Variants in PLXNA1 observed in about 807,000 individuals in gnomAD.
PLXNA1 encodes plexin A1.
Under a neutral mutation model 191.7 loss-of-function variants are expected in PLXNA1, and 77 were observed. That is an observed-to-expected ratio of 0.40 (90% CI 0.33 to 0.49). The LOEUF (loss-of-function observed/expected upper bound fraction) is 0.49, where lower values mean the gene tolerates loss of function less well. Among genes scored for constraint, PLXNA1 ranks in the 20% least tolerant of loss-of-function variants. The pLI is 0.63. For missense variants in PLXNA1, 2,110 were observed against 2,660.2 expected, an observed-to-expected ratio of 0.79 and a Z score of 4.55; for synonymous variants, 1,137 against 1,156.4, an observed-to-expected ratio of 0.98 and a Z score of 0.34.
At position 126,988,711 on chromosome 3, in the gene PLXNA1, C is replaced by T. The variant is rs372314843; in HGVS notation, c.118C>T (p.Pro40Ser). The change falls in exon 2 of 32, where the codon CCC becomes TCC. Residue 40 changes from proline to serine, a missense_variant. Pro to Ser is a moderately conservative substitution (Grantham distance 74, BLOSUM62 -1). Around this residue, in one of 4 missense-constraint regions of PLXNA1, gnomAD observed 903 missense variants for 1,015.7 expected, o/e 0.89. Coordinates refer to ENST00000393409, the MANE Select transcript of PLXNA1 (RefSeq NM_032242.4). ...CAGGGCAGGCGGGGGTTCACAGCCC[C>T]CCTTCCGCACCTTCTCGGCCAGCGA... ...LPRAGGGSQP[P>S]FRTFSASDWG... The T allele has an allele frequency of 1.3e-5, 20 of 1,573,562 alleles. No homozygotes were observed. Among genetic ancestry groups the T allele is most frequent in the Non-Finnish European group, 1.7e-6 (2 of 1,157,014 alleles).
intron 5 of PLXNA1, 81 bp downstream of exon 5, chr3:127,004,792 G>A: frequency 6.3e-7 from 1 of 1,592,420 alleles, no homozygotes. Context: ...CTGGTGCAGG[G>A]CAAGCCACCC....
In PLXNA1 at chr3:127,022,802, T is replaced by C; in HGVS notation, c.4346T>C (p.Leu1449Ser). The C allele has an allele frequency of 6.2e-7, 1 of 1,613,974 alleles. No homozygotes were observed. The highest frequency in any genetic ancestry group is 8.5e-7 in the Non-Finnish European group (1 of 1,179,922). ...CTAACTAACTGGTTCACCTTCCTCTTGTATAAGTTCCTCAAGGTAAGCAGA... is the reference window on the plus strand; with the variant it reads ...CTAACTAACTGGTTCACCTTCCTCTCGTATAAGTTCCTCAAGGTAAGCAGA... ...KMLTNWFTFL[L>S]YKFLKECAGE... is the part of the protein sequence containing the mutation. The change falls in exon 23 of 32, where the codon TTG (leucine) becomes TCG (serine). Residue 1449 changes from leucine to serine, a missense_variant. Around this residue, in one of 4 missense-constraint regions of PLXNA1, gnomAD observed 559 missense variants for 911.5 expected, o/e 0.61. Transcript: ENST00000393409.
intron 10 of PLXNA1, 108 bp from the exon 11 acceptor site, chr3:127,013,912 T>G: frequency 3.2e-6 from 3 of 939,246 alleles, no homozygotes; most frequent in Non-Finnish European, 5.3e-6. Context: ...CGGTTGTGGC[T>G]GCAGAAACTT....
chr3:127,000,471 C>T (rs530551002), intron 3 of PLXNA1, among the ~76,000 whole-genome samples: 2 of 152,172 alleles, frequency 1.3e-5, no homozygotes, highest in African/African-American at 4.8e-5. Context: ...GCCACCCGCT[C>T]TGGCCCCAGG....
At chr3:127,021,450 CAA>C (rs900515107) in intron 21 of PLXNA1, among the ~76,000 whole-genome samples, 23 of 152,150 alleles carry the variant, frequency 1.5e-4, no homozygotes, top group African/African-American at 4.3e-4. Flanking sequence ...TTAGTATGAA[CAA>C]GAGAGAGAGA....
rs754347448 is a variant in PLXNA1, at chr3:127,032,367, G to T, written c.5232-20G>T. 5 of 1,611,876 alleles carry T rather than the reference G, an allele frequency of 3.1e-6. No homozygotes were observed. The highest frequency in any genetic ancestry group is 1.1e-5 in the South Asian group (1 of 90,896). On this transcript the variant is annotated intron_variant, in intron 29 of 31. Coordinates refer to ENST00000393409, the MANE Select transcript of PLXNA1 (RefSeq NM_032242.4). ...GGGAGCAGAGGCCTATCTGAGCAGC[G>T]CCTGGACTCTCGCCTGCAGCCTGCC...
In PLXNA1 at chr3:127,016,572, G is replaced by A. The variant is rs776772758; in HGVS notation, c.3070G>A (p.Ala1024Thr). ...ACCCCCCGGGCAGAGCCCTGGCAGC[G>A]CTCCCATCATCATCAACATCAACCG... ...LTPPGQSPGSAPIIININRAQ... is the reference protein window; with the variant it reads ...LTPPGQSPGSTPIIININRAQ... The change falls in exon 16 of 32, where the codon GCT becomes ACT. Residue 1024 changes from alanine (A) to threonine (T), a missense_variant. Physicochemically the swap from Ala to Thr is moderately conservative, Grantham distance 58 (BLOSUM62 0). Coordinates refer to ENST00000393409, the MANE Select transcript of PLXNA1 (RefSeq NM_032242.4). 1.6e-5 allele frequency: 26 copies of A among 1,613,936 alleles called. No individual in the cohort carries two copies. The highest frequency in any genetic ancestry group is 1.9e-5 in the Non-Finnish European group (22 of 1,179,954).
Position 127,017,868 on chromosome 3 carries a change from C to A in PLXNA1, c.3636C>A (p.Asn1212Lys). ...CGCAACTGCTGTGCGAGGCGCCCAA[C>A]CTCACTGGGCAGCACAAGGTCACGG... is the stretch of plus-strand genomic sequence containing the variant. ...SETQLLCEAPNLTGQHKVTVR... is the reference protein window; with the variant it reads ...SETQLLCEAPKLTGQHKVTVR... The change falls in exon 19 of 32, where the codon AAC (asparagine) becomes AAA (lysine). Residue 1212 changes from asparagine (N) to lysine (K), a missense_variant. Transcript: ENST00000393409. 1 of 1,612,746 alleles carries A rather than the reference C, an allele frequency of 6.2e-7. No homozygotes were observed. Among genetic ancestry groups the A allele is most frequent in the Non-Finnish European group, 8.5e-7 (1 of 1,180,006 alleles).
chr3:127,019,438 C>T (rs1013903443), intron 20 of PLXNA1, among the ~76,000 whole-genome samples: 1 of 152,146 alleles, frequency 6.6e-6, no homozygotes, highest in Non-Finnish European at 1.5e-5. Context: ...AGGCAGGTGG[C>T]CTGGACCTCC....
rs956760729 is a variant in PLXNA1, at chr3:127,006,545, G to A, written c.1997+367G>A. Among the ~76,000 whole-genome samples the A allele has an allele frequency of 6.6e-5, 10 of 152,328 alleles. No homozygotes were observed. The East Asian group carries it at 9.7e-4, about 15-fold the overall frequency. ...GGGCACATTGTGCAATGTTGCCACCGTGATATGGACAGTGGCCCATGGGCA... is the reference window on the plus strand; with the variant it reads ...GGGCACATTGTGCAATGTTGCCACCATGATATGGACAGTGGCCCATGGGCA... On this transcript the variant is annotated intron_variant, in intron 8 of 31. Transcript: ENST00000393409.
At chr3:127,020,852 G>A (rs1240393740) in intron 21 of PLXNA1, among the ~76,000 whole-genome samples, 4 of 152,250 alleles carry the variant, frequency 2.6e-5, no homozygotes, top group South Asian at 2.1e-4. Context: ...CTGCTATGGC[G>A]GTTTGGGAGG....
chr3:126,996,888 G>A (rs900201558), intron 3 of PLXNA1, among the ~76,000 whole-genome samples: 6 of 152,212 alleles, frequency 3.9e-5, no homozygotes, highest in African/African-American at 1.4e-4. Context: ...GCCCTGCATG[G>A]TCAGCCTGTG....
intron 3 of PLXNA1, among the ~76,000 whole-genome samples, chr3:126,993,656 G>T (rs1318556127): frequency 3.3e-5 from 5 of 152,350 alleles, no homozygotes; most frequent in Admixed American, 1.3e-4. Flanking sequence ...TGGGCCATGT[G>T]TGAGTGGCAC....
chr3:127,027,594 G>T (rs989367913), intron 23 of PLXNA1: 4 of 458,180 alleles, frequency 8.7e-6, no homozygotes, highest in African/African-American at 7.9e-5. Flanking sequence ...CGGGGATCCT[G>T]CTGAGACCAG....
intron 3 of PLXNA1, among the ~76,000 whole-genome samples, chr3:126,999,672 T>A (rs1409814532): frequency 6.6e-6 from 1 of 152,168 alleles, no homozygotes; most frequent in Admixed American, 6.5e-5. Context: ...CGGCAGCAGT[T>A]GGCCAGGGCT....
chr3:127,022,960 C>G, intron 23 of PLXNA1, 142 bp downstream of exon 23: 2 of 728,250 alleles, frequency 2.7e-6, no homozygotes, highest in Non-Finnish European at 4.7e-6. Context: ...GGCCAAGGCC[C>G]CTGGGCATGC....
chr3:127,028,056 C>T lies in PLXNA1; in HGVS notation c.4479C>T (p.Leu1493=). ...GCTACTCCCTGAGTGAGGACAAGCT[C>T]ATCCGGCAGCAGATTGACTACAAGA... ...EARYSLSEDK[L]IRQQIDYKTL... Residue 1493 remains leucine (L), a synonymous_variant, in exon 24 of 32, where the codon CTC becomes CTT. Coordinates refer to ENST00000393409, the MANE Select transcript of PLXNA1 (RefSeq NM_032242.4). The T allele has an allele frequency of 1.9e-6, 3 of 1,614,064 alleles. No individual in the cohort carries two copies. The highest frequency in any genetic ancestry group is 2.2e-5 in the East Asian group (1 of 44,870).
At chr3:127,010,973 C>T (rs1277657218) in intron 9 of PLXNA1, among the ~76,000 whole-genome samples, 1 of 152,196 alleles carries the variant, frequency 6.6e-6, no homozygotes, top group African/African-American at 2.4e-5. Flanking sequence ...GTGCCCTGAG[C>T]CACCCGTTTT....
chr3:127,010,853 T>G lies in PLXNA1; in HGVS notation c.2113-1105T>G, dbSNP rs541995628. ...TTGCTGCAGGCTGAGCTGCCTGGGCTCCTCTGGGCATTTTTCAGTTGGTTG... is the reference window on the plus strand; with the variant it reads ...TTGCTGCAGGCTGAGCTGCCTGGGCGCCTCTGGGCATTTTTCAGTTGGTTG... On this transcript the variant is annotated intron_variant, in intron 9 of 31. Coordinates refer to ENST00000393409, the MANE Select transcript of PLXNA1 (RefSeq NM_032242.4). 2.0e-5 allele frequency among the ~76,000 whole-genome samples: 3 copies of G among 152,264 alleles called. No individual in the cohort carries two copies. In the South Asian group the frequency reaches 6.2e-4, roughly 32 times the overall value.
Sources: gnomAD v4.1 joint callset for allele counts (sites outside exome capture counted in the v4.1 genomes callset) on GRCh38, gnomAD v4.1.1 for gene constraint, gnomAD v4.1.1 regional missense constraint, MANE v1.5 for transcripts, NCBI Gene and HGNC (gene_info 2026-07-23, HGNC 2026-07-21) for gene names.